The following SH3RF2 variants were observed in gnomAD, a reference collection of about 807,000 sequenced individuals.
SH3RF2 encodes SH3 domain containing ring finger 2.
SH3RF2 carries 43 observed loss-of-function variants against 59.0 expected under a neutral mutation model. The ratio of observed to expected loss-of-function variants is 0.73; its 90% CI spans 0.57 to 0.94. The LOEUF (loss-of-function observed/expected upper bound fraction) is 0.94, where lower values mean the gene tolerates loss of function less well. Among genes scored for constraint, SH3RF2 ranks in the 40% least tolerant of loss-of-function variants. The pLI, the probability that SH3RF2 is intolerant of heterozygous loss-of-function variation, is 0.00. For missense variants in SH3RF2, 930 were observed against 940.1 expected, an observed-to-expected ratio of 0.99 and a Z score of 0.14; for synonymous variants, 391 against 391.5, an observed-to-expected ratio of 1.00 and a Z score of 0.01.
chr5:145,953,274 G>T (rs979288459), intron 2 of SH3RF2, among the ~76,000 whole-genome samples: 9 of 152,184 alleles, frequency 5.9e-5, no homozygotes, highest in Non-Finnish European at 1.3e-4. Flanking sequence ...CTCTCTAAGG[G>T]AGGCATTTAT....
rs528919575 is a variant in SH3RF2, at chr5:146,057,288, T to C, written c.1555+1075T>C. ...ACAGCCTGTTTGACTACCAGTCCCA[T>C]GACTCTGGGCACTTCATTCCACCCA... On this transcript the variant is annotated intron_variant, in intron 8 of 9. Coordinates refer to ENST00000359120, the MANE Select transcript of SH3RF2 (RefSeq NM_152550.4). Among the ~76,000 whole-genome samples the C allele has an allele frequency of 4.0e-4, 61 of 152,314 alleles. 1 individual carries two copies. The South Asian group carries it at 0.012, about 30-fold the overall frequency.
rs540933618 is a variant in SH3RF2, at chr5:145,982,546, G to T, written c.379-17512G>T. ...TCTATGAAGAAATTGATATTTGGGG[G>T]TTCTGGTAGGACATATTTGGAAACT... On this transcript the variant is annotated intron_variant, in intron 2 of 9. Transcript: ENST00000359120. Among the ~76,000 whole-genome samples, 214 of 152,282 alleles carry T rather than the reference G, an allele frequency of 1.4e-3. 1 individual carries two copies. Among genetic ancestry groups the T allele is most frequent in the Non-Finnish European group, 2.8e-3 (190 of 68,012 alleles).
chr5:145,993,313 C>T (rs1418244129), intron 2 of SH3RF2, among the ~76,000 whole-genome samples: 2 of 152,172 alleles, frequency 1.3e-5, no homozygotes, highest in Non-Finnish European at 2.9e-5. Flanking sequence ...TGAAAGCTGT[C>T]AGTGGATCTA....
chr5:146,066,021 A>G (rs977498683), downstream of SH3RF2, among the ~76,000 whole-genome samples: 4 of 152,192 alleles, frequency 2.6e-5, no homozygotes, highest in African/African-American at 9.7e-5. Context: ...ACATCCCCTC[A>G]TGTAATTTCC....
At chr5:145,967,473 A>T (rs1758901736) in intron 2 of SH3RF2, among the ~76,000 whole-genome samples, 1 of 152,176 alleles carries the variant, frequency 6.6e-6, no homozygotes, top group Non-Finnish European at 1.5e-5. Flanking sequence ...CATTTCATGG[A>T]GGAGGAATCT....
chr5:146,055,776 C>G, intron 7 of SH3RF2: 2 of 606,816 alleles, frequency 3.3e-6, no homozygotes. Flanking sequence ...CTCAGCACAC[C>G]CTCACAGTTA....
At chr5:146,060,344 C>A in intron 9 of SH3RF2, 120 bp downstream of exon 9, 1 of 918,230 alleles carries the variant, frequency 1.1e-6, no homozygotes, top group Non-Finnish European at 1.6e-6. Flanking sequence ...CGAAAGAATC[C>A]TCACACATAA....
chr5:146,078,135 A>T (rs911075489), intron 9 of SH3RF2, among the ~76,000 whole-genome samples: 8 of 152,250 alleles, frequency 5.3e-5, no homozygotes, highest in Non-Finnish European at 1.2e-4. Context: ...TCAGGCAATA[A>T]CCATGAATGA....
chr5:146,032,799 C>T (rs952715372), intron 5 of SH3RF2, among the ~76,000 whole-genome samples: 2 of 152,176 alleles, frequency 1.3e-5, no homozygotes, highest in African/African-American at 4.8e-5. Context: ...TTGCAGAGTT[C>T]CAGAAATGGG....
intron 2 of SH3RF2, among the ~76,000 whole-genome samples, chr5:145,984,116 A>G (rs1759609879): frequency 6.6e-6 from 1 of 152,116 alleles, no homozygotes; most frequent in South Asian, 2.1e-4. Flanking sequence ...AGATGCTACT[A>G]GAATATAAGT....
chr5:146,061,213 TA>T (rs1197488858), intron 9 of SH3RF2, among the ~76,000 whole-genome samples: 2 of 152,226 alleles, frequency 1.3e-5, no homozygotes, highest in African/African-American at 4.8e-5. Context: ...ATCCTCATTT[TA>T]AAATTAGGAA....
intron 7 of SH3RF2, among the ~76,000 whole-genome samples, chr5:146,051,585 G>GT (rs920154903): frequency 2.0e-5 from 3 of 151,586 alleles, no homozygotes; most frequent in Admixed American, 6.6e-5. Flanking sequence ...GTGAGAGCAA[G>GT]TTTTTTTTTC....
intron 3 of SH3RF2, among the ~76,000 whole-genome samples, chr5:146,002,761 C>T (rs1760480044): frequency 6.6e-6 from 1 of 152,198 alleles, no homozygotes; most frequent in African/African-American, 2.4e-5. Context: ...ATTAGATTCT[C>T]ATAGGAGCGT....
At chr5:145,943,369 G>C (rs1459134265) in intron 2 of SH3RF2, among the ~76,000 whole-genome samples, 1 of 152,184 alleles carries the variant, frequency 6.6e-6, no homozygotes, top group Non-Finnish European at 1.5e-5. Context: ...GGGGCAGAAT[G>C]AGGTGATAGA....
At chr5:146,072,164 C>T in intron 9 of SH3RF2, among the ~76,000 whole-genome samples, 1 of 152,202 alleles carries the variant, frequency 6.6e-6, no homozygotes, top group Non-Finnish European at 1.5e-5. Flanking sequence ...GCTATCTGAC[C>T]TTGAACCAAG....
chr5:146,069,477 T>G (rs2150027742), intron 9 of SH3RF2, among the ~76,000 whole-genome samples: 1 of 123,724 alleles, frequency 8.1e-6, no homozygotes, highest in South Asian at 3.2e-4. Flanking sequence ...AATCTGAAAC[T>G]GAAATGAGAT....
intron 5 of SH3RF2, among the ~76,000 whole-genome samples, chr5:146,037,262 G>C (rs1167870538): frequency 6.6e-6 from 1 of 152,172 alleles, no homozygotes; most frequent in African/African-American, 2.4e-5. Context: ...AAGGCTCAGA[G>C]GGATTAAGTC....
intron 5 of SH3RF2, among the ~76,000 whole-genome samples, chr5:146,028,394 G>A (rs1761618673): frequency 6.6e-6 from 1 of 152,226 alleles, no homozygotes; most frequent in African/African-American, 2.4e-5. Flanking sequence ...CAAGACCTCA[G>A]TTTCACCATC....
Position 145,955,948 on chromosome 5 carries a change from G to T in SH3RF2, c.378+17642G>T, listed in dbSNP as rs559945504. Among the ~76,000 whole-genome samples, 34 of 152,204 alleles carry T rather than the reference G, an allele frequency of 2.2e-4. No homozygotes were observed. In the South Asian group the frequency reaches 5.4e-3, roughly 24 times the overall value. ...TAACTTGGAATAAAGTTTATCTTTG[G>T]GAGACAGGATAGGGAGAAAATTGAG... On this transcript the variant is annotated intron_variant, in intron 2 of 9. Coordinates refer to ENST00000359120, the MANE Select transcript of SH3RF2 (RefSeq NM_152550.4).
Sources: gnomAD v4.1 joint callset for allele counts (sites outside exome capture counted in the v4.1 genomes callset) on GRCh38, gnomAD v4.1.1 for gene constraint, MANE v1.5 for transcripts, NCBI Gene and HGNC (gene_info 2026-07-23, HGNC 2026-07-21) for gene names.